VAC14: variants seen among roughly 807,000 people sequenced by gnomAD.
VAC14 encodes the protein protein VAC14 homolog.
Under a neutral mutation model 85.3 loss-of-function variants are expected in VAC14, and 47 were observed. The observed-to-expected ratio is 0.55, with a 90% CI of 0.44 to 0.70. VAC14 has a LOEUF of 0.70. Among genes scored for constraint, VAC14 ranks in the 30% least tolerant of loss-of-function variants. VAC14 has a pLI of 0.00. For missense variants in VAC14, 861 were observed against 1,004.3 expected, an observed-to-expected ratio of 0.86 and a Z score of 1.93; for synonymous variants, 447 against 430.5, an observed-to-expected ratio of 1.04 and a Z score of -0.47.
At chr16:70,695,269 G>A (rs915148829) in intron 17 of VAC14, among the ~76,000 whole-genome samples, 3 of 152,092 alleles carry the variant, frequency 2.0e-5, no homozygotes, top group Admixed American at 6.6e-5. Context: ...GCACTCTCAT[G>A]CCTGGCTAAT....
intron 14 of VAC14, chr16:70,731,288 C>G (rs2054582066): frequency 1.5e-6 from 2 of 1,357,308 alleles, no homozygotes; most frequent in African/African-American, 2.9e-5. Flanking sequence ...TGCGGAAAAA[C>G]ATCAACACTG....
At chr16:70,800,184 A>G (rs1161145890) in intron 1 of VAC14, among the ~76,000 whole-genome samples, 2 of 152,250 alleles carry the variant, frequency 1.3e-5, no homozygotes, top group Admixed American at 1.3e-4. Context: ...GTACATTGGG[A>G]AATAAAGTAA....
At chr16:70,703,078 G>T (rs1226812084) in intron 14 of VAC14, among the ~76,000 whole-genome samples, 1 of 152,218 alleles carries the variant, frequency 6.6e-6, no homozygotes, top group Non-Finnish European at 1.5e-5. Flanking sequence ...GCTGTGAGTG[G>T]GCACCAGGGG....
intron 18 of VAC14, chr16:70,691,094 A>T (rs2053586888): frequency 1.0e-6 from 1 of 985,340 alleles, no homozygotes; most frequent in Admixed American, 6.1e-5. Context: ...TTGGCTCAAG[A>T]CTTCCCTGAC....
Position 70,785,839 on chromosome 16 carries a change from C to T in VAC14, c.286G>A (p.Glu96Lys), listed in dbSNP as rs200439241. The change falls in exon 3 of 19, where the codon GAG becomes AAG. Residue 96 changes from glutamate (E) to lysine (K), a missense_variant. Physicochemically the swap from Glu to Lys is moderately conservative, Grantham distance 56. Transcript: ENST00000261776. The part of the protein sequence containing the change: ...DSGLYLKELI[E>K]PVLTCFNDAD... ...TCATTGAAGCAGGTCAGCACTGGCT[C>T]GATCAGCTCCTTCAGGTAGAGCCCT... 1.3e-5 allele frequency: 21 copies of T among 1,605,132 alleles called. No individual in the cohort carries two copies. Among genetic ancestry groups the T allele is most frequent in the South Asian group, 4.5e-5 (4 of 89,516 alleles).
intron 14 of VAC14, chr16:70,716,983 C>T (rs966536387): frequency 2.6e-5 from 4 of 152,252 alleles, no homozygotes; most frequent in Non-Finnish European, 5.9e-5. Context: ...CTTCAGTTAC[C>T]CCCATGGTGG....
In VAC14 at chr16:70,783,080, T is replaced by C. The variant is rs368602398; in HGVS notation, c.764A>G (p.Lys255Arg). ...CAGGATGTTGGCCATCTCAGCAAAC[T>C]TCACACTGGAGGGGTTCTTCTTAAT... ...KEIKKNPSSV[K>R]FAEMANILVI... Residue 255 changes from lysine to arginine, a missense_variant, in exon 7 of 19, where the codon AAG (lysine) becomes AGG (arginine). Physicochemically the swap from Lys to Arg is conservative, Grantham distance 26. Coordinates refer to ENST00000261776, the MANE Select transcript of VAC14 (RefSeq NM_018052.5). 1.2e-6 allele frequency: 2 copies of C among 1,614,032 alleles called. No homozygotes were observed.
At chr16:70,774,582 C>A (rs2033417399) in intron 9 of VAC14, among the ~76,000 whole-genome samples, 1 of 152,072 alleles carries the variant, frequency 6.6e-6, no homozygotes, top group Non-Finnish European at 1.5e-5. Context: ...CAAACATGTC[C>A]CCAGTGATTG....
chr16:70,773,508 C>T (rs139833354), intron 9 of VAC14, among the ~76,000 whole-genome samples: 19 of 152,224 alleles, frequency 1.2e-4, no homozygotes, highest in Admixed American at 5.2e-4. Flanking sequence ...GATCCTGTTC[C>T]GCCTTCAGTC....
At chr16:70,784,014 C>T (rs1486106320) in intron 5 of VAC14, 99 bp downstream of exon 5, 15 of 940,866 alleles carry the variant, frequency 1.6e-5, no homozygotes, top group Non-Finnish European at 2.0e-5. Context: ...CAAGGGAGAA[C>T]ATGGAGGGTT....
rs1555523169 is a variant in VAC14, at chr16:70,761,018, T to TGTGTGCGC, written c.1371+1521_1371+1522insGCGCACAC. 1.9e-5 allele frequency: 5 copies of TGTGTGCGC among 267,814 alleles called. No individual in the cohort carries two copies. The African/African-American group carries it at 2.1e-4, about 11-fold the overall frequency. 16.6% of individuals were successfully genotyped at this position (267,814 alleles called of 1,614,324 possible). On this transcript the variant is annotated intron_variant, in intron 12 of 18. Transcript: ENST00000261776. ...GTGTGTGTGTGTGTGTGTGTGTGTG[T>TGTGTGCGC]GCATGGGGGGGCGGGGGGTAGGCAG... is the stretch of plus-strand genomic sequence containing the variant.
chr16:70,745,774 G>A (rs537143005), intron 12 of VAC14, among the ~76,000 whole-genome samples: 1 of 152,202 alleles, frequency 6.6e-6, no homozygotes, highest in Non-Finnish European at 1.5e-5. Context: ...GTGGTTGCCT[G>A]TGCCTCTTCC....
intron 3 of VAC14, among the ~76,000 whole-genome samples, chr16:70,785,102 G>T (rs987732865): frequency 6.6e-6 from 1 of 152,266 alleles, no homozygotes; most frequent in Non-Finnish European, 1.5e-5. Context: ...GTTCCCTGTT[G>T]TGACTGGGTC....
intron 18 of VAC14, 51 bp from the exon 19 acceptor site, chr16:70,688,141 G>C (rs1238398479): frequency 6.9e-7 from 1 of 1,447,978 alleles, no homozygotes; most frequent in Non-Finnish European, 9.2e-7. Flanking sequence ...CTCACAGGGG[G>C]GTTACTGCTG....
chr16:70,741,806 C>T (rs1054241007), intron 13 of VAC14, among the ~76,000 whole-genome samples: 4 of 152,220 alleles, frequency 2.6e-5, no homozygotes, highest in African/African-American at 9.6e-5. Context: ...TCTCTACTGC[C>T]ATAGCCTCGT....
intron 14 of VAC14, among the ~76,000 whole-genome samples, chr16:70,702,745 C>T (rs2053853730): frequency 6.6e-6 from 1 of 152,176 alleles, no homozygotes; most frequent in Non-Finnish European, 1.5e-5. Context: ...GAGAAGTGGG[C>T]CCTTGAGTCA....
chr16:70,771,429 T>A (rs967378605), intron 10 of VAC14: 1 of 152,172 alleles, frequency 6.6e-6, no homozygotes, highest in Non-Finnish European at 1.5e-5. Context: ...CCCATCATCC[T>A]GGACAAACAG....
chr16:70,783,496 AG>A lies in VAC14; in HGVS notation c.652del (p.Leu218TrpfsTer27). The A allele has an allele frequency of 6.2e-7, 1 of 1,614,086 alleles. No homozygotes were observed. Among genetic ancestry groups the A allele is most frequent in the Non-Finnish European group, 8.5e-7 (1 of 1,180,022 alleles). ...INLLDYLPEILDGLFQILGDN... is the reference protein window; with the variant it reads ...INLLDYLPEIXDGLFQILGDN... ...ACCCAGGATCTGGAAGAGTCCATCC[AG>A]GATCTCCGGCAGGTAATCCAGCAGG... is the stretch of plus-strand genomic sequence containing the variant. On this transcript the variant is annotated frameshift_variant, in exon 6 of 19. Coordinates refer to ENST00000261776, the MANE Select transcript of VAC14 (RefSeq NM_018052.5). LOFTEE classifies it high-confidence loss of function.
At position 70,697,123 on chromosome 16, in the gene VAC14, G is replaced by T. The variant is rs2053728847; in HGVS notation, c.1955+16C>A. ...CCTCAGAGGCTCAACCCCAACCACA[G>T]TGAGAGGAAGGATACAACTTCTGGA... On this transcript the variant is annotated intron_variant, in intron 16 of 18. Transcript: ENST00000261776. The T allele has an allele frequency of 6.2e-7, 1 of 1,604,754 alleles. No individual in the cohort carries two copies.
Sources: allele counts gnomAD v4.1 joint callset (sites outside exome capture counted in the v4.1 genomes callset), GRCh38; gene constraint gnomAD v4.1.1; transcripts MANE v1.5; gene names NCBI Gene and HGNC (gene_info 2026-07-23, HGNC 2026-07-21).